The following SURF4 variants were observed in gnomAD, a reference collection of about 807,000 sequenced individuals.
SURF4 encodes the protein surfeit 4, also known as surfeit locus protein 4.
SURF4 carries 3 observed loss-of-function variants against 30.0 expected under a neutral mutation model. That is an observed-to-expected ratio of 0.10 (90% CI 0.05 to 0.26). The LOEUF is 0.26. Among genes scored for constraint, SURF4 ranks in the 10% least tolerant of loss-of-function variants. The pLI is 1.00. For synonymous variants in SURF4, 143 were observed against 139.9 expected (o/e 1.02, Z -0.16); for missense variants, 217 against 350.8 (o/e 0.62, Z 3.05).
chr9:133,372,855 T>G (rs1012049530), intron 1 of SURF4, among the ~76,000 whole-genome samples: 1 of 152,182 alleles, frequency 6.6e-6, no homozygotes, highest in Non-Finnish European at 1.5e-5. Flanking sequence ...CTTCGAACCC[T>G]GTTTACTTGC....
In SURF4 at chr9:133,363,834, T is replaced by G; in HGVS notation, c.544-75A>C. The G allele has an allele frequency of 3.2e-6, 5 of 1,565,412 alleles. No individual in the cohort carries two copies. The highest frequency in any genetic ancestry group is 4.4e-6 in the Non-Finnish European group (5 of 1,140,658). On this transcript the variant is annotated intron_variant, in intron 5 of 5. Coordinates refer to ENST00000371989, the MANE Select transcript of SURF4 (RefSeq NM_033161.4). The surrounding 1 kb of genome is among the most constrained non-coding windows in gnomAD (Gnocchi z 4.3). ...ATGCTTTATAAACAAAAGTTCCAGC[T>G]GCTGCACGTCATGAAGTCTCTATCC...
chr9:133,370,505 C>G (rs1463220849), intron 1 of SURF4, among the ~76,000 whole-genome samples: 1 of 152,152 alleles, frequency 6.6e-6, no homozygotes, highest in East Asian at 1.9e-4. Flanking sequence ...ACTGAAAAAG[C>G]CACGTTTAAA....
chr9:133,370,852 G>A (rs1837464313), intron 1 of SURF4: 3 of 1,288,346 alleles, frequency 2.3e-6, no homozygotes, highest in Non-Finnish European at 3.0e-6. Context: ...GCAGGCTGCA[G>A]GAAGAAGATG....
intron 3 of SURF4, 119 bp from the exon 4 acceptor site, chr9:133,366,147 C>T (rs1837157664): frequency 2.0e-6 from 2 of 1,003,692 alleles, no homozygotes; most frequent in South Asian, 1.4e-5. Context: ...CACACAAAAC[C>T]ATTGTAGGAG....
At chr9:133,369,720 C>T (rs1194140473) in intron 1 of SURF4, among the ~76,000 whole-genome samples, 2 of 152,214 alleles carry the variant, frequency 1.3e-5, no homozygotes, top group Non-Finnish European at 2.9e-5. Flanking sequence ...CACCCATATT[C>T]CATGGAAGAG....
rs2130135635 is a variant in SURF4, at chr9:133,367,112, T to C, written c.235+147A>G. 8 of 1,102,988 alleles carry C rather than the reference T, an allele frequency of 7.3e-6. No individual in the cohort carries two copies. In the South Asian group the frequency reaches 8.0e-5, roughly 11 times the overall value. 68.3% of individuals were successfully genotyped at this position (1,102,988 alleles called of 1,614,324 possible). ...ACCAAGGCTTGCAGAACCGGACTCC[T>C]GGCCTGGCACAGCTGAGCTGGAGAA... On this transcript the variant is annotated intron_variant, in intron 2 of 5. Coordinates refer to ENST00000371989, the MANE Select transcript of SURF4 (RefSeq NM_033161.4).
chr9:133,365,901 C>T (rs1837142405), intron 4 of SURF4, 84 bp downstream of exon 4: 2 of 1,407,674 alleles, frequency 1.4e-6, no homozygotes, highest in South Asian at 2.4e-5. Flanking sequence ...AGATTTTTCC[C>T]ATTTTGGAGC....
intron 1 of SURF4, among the ~76,000 whole-genome samples, chr9:133,372,036 A>G (rs986365601): frequency 6.6e-6 from 1 of 152,252 alleles, no homozygotes; most frequent in Non-Finnish European, 1.5e-5. Flanking sequence ...TACATTTTAC[A>G]GAGTGTCTAA....
Position 133,363,619 on chromosome 9 carries a change from G to A in SURF4, c.684C>T (p.Tyr228=). The A allele has an allele frequency of 6.2e-7, 1 of 1,614,226 alleles. No homozygotes were observed. The highest frequency in any genetic ancestry group is 8.5e-7 in the Non-Finnish European group (1 of 1,180,040). ...YFNAFWTIPV[Y]KPMHDFLKYD... is the part of the protein sequence containing the mutation. ...ATTTCAGGAAGTCATGCATGGGCTT[G>A]TAGACTGGAATGGTCCAGAAGGCGT... The change falls in exon 6 of 6, where the codon TAC becomes TAT. Residue 228 remains tyrosine, a synonymous_variant. Transcript: ENST00000371989. This position sits in a 1 kb window ranked among gnomAD's most constrained non-coding sequence, Gnocchi z 4.3.
rs138538925 is a variant in SURF4, at chr9:133,373,129, G to A, written c.48+2793C>T. Reference sequence around the variant, plus strand: ...GACTTGTGCCAGAAGAGCAACACCAGGGGCTGGGGGCGCTGGGGACCAAGA... The same window carrying A: ...GACTTGTGCCAGAAGAGCAACACCAAGGGCTGGGGGCGCTGGGGACCAAGA... On this transcript the variant is annotated intron_variant, in intron 1 of 5. Transcript: ENST00000371989. 2.7e-3 allele frequency among the ~76,000 whole-genome samples: 411 copies of A among 152,350 alleles called. 1 individual carries two copies. The highest frequency in any genetic ancestry group is 9.6e-3 in the African/African-American group (399 of 41,582).
Position 133,364,994 on chromosome 9 carries a change from A to T in SURF4, c.389T>A (p.Leu130His), listed in dbSNP as rs2130112624. The T allele has an allele frequency of 6.3e-7, 1 of 1,596,248 alleles. No homozygotes were observed. Among genetic ancestry groups the T allele is most frequent in the South Asian group, 1.1e-5 (1 of 88,838 alleles). ...NLALGGGLLL[L>H]LAESRSEGKS... Reference sequence around the variant, plus strand: ...CCCTTCAGAACGGGATTCTGCTAGGAGCAGCAACAGGCCTCCTCCCAGGGC... The same window carrying T: ...CCCTTCAGAACGGGATTCTGCTAGGTGCAGCAACAGGCCTCCTCCCAGGGC... Residue 130 changes from leucine (L) to histidine (H), a missense_variant, in exon 5 of 6, where the codon CTC becomes CAC. Leu to His is a moderately conservative substitution (Grantham distance 99, BLOSUM62 -3). Transcript: ENST00000371989.
Position 133,373,934 on chromosome 9 carries a change from AAG to A in SURF4, c.48+1986_48+1987del, listed in dbSNP as rs1554773632. On this transcript the variant is annotated intron_variant, in intron 1 of 5. Transcript: ENST00000371989. ...CAAAAAAAAAAAAAAAAAAAAAAAAAAGAAGAAGAAAACAGTATGTGAAGACA... is the reference window on the plus strand; with the variant it reads ...CAAAAAAAAAAAAAAAAAAAAAAAAAAAGAAGAAAACAGTATGTGAAGACA... Among the ~76,000 whole-genome samples the A allele has an allele frequency of 6.7e-5, 10 of 149,182 alleles. 1 individual carries two copies. Among genetic ancestry groups the A allele is most frequent in the African/African-American group, 1.5e-4 (6 of 39,738 alleles).
At chr9:133,374,546 G>A (rs1283003836) in intron 1 of SURF4, among the ~76,000 whole-genome samples, 3 of 152,112 alleles carry the variant, frequency 2.0e-5, no homozygotes, top group African/African-American at 7.2e-5. Context: ...GGGCAACAAG[G>A]TCAAAACACC....
intron 1 of SURF4, among the ~76,000 whole-genome samples, chr9:133,370,324 T>C (rs1837431163): frequency 6.6e-6 from 1 of 152,056 alleles, no homozygotes. Flanking sequence ...GCTCTTGGCT[T>C]TGGGGAAAAA....
chr9:133,371,384 C>T (rs1035910132), intron 1 of SURF4, among the ~76,000 whole-genome samples: 1 of 152,218 alleles, frequency 6.6e-6, no homozygotes, highest in East Asian at 1.9e-4. Flanking sequence ...CCCCGAGCCC[C>T]GCTCCCATGC....
chr9:133,364,778 G>A, intron 5 of SURF4, 62 bp downstream of exon 5: 1 of 1,556,032 alleles, frequency 6.4e-7, no homozygotes, highest in Non-Finnish European at 8.8e-7. Flanking sequence ...AGCAGGGAGG[G>A]GGTGGGGGAG....
chr9:133,376,091 T>G, upstream of SURF4: 1 of 1,202,688 alleles, frequency 8.3e-7, no homozygotes, highest in South Asian at 4.1e-5. Context: ...CCGCGTCGGC[T>G]GCGGCTCCAG....
intron 1 of SURF4, chr9:133,375,251 G>A (rs1410854247): frequency 5.1e-6 from 5 of 985,370 alleles, no homozygotes; most frequent in East Asian, 1.1e-4. Flanking sequence ...GGACACTTCT[G>A]GAAGGAGACT....
chr9:133,363,859 C>T lies in SURF4; in HGVS notation c.544-100G>A. ...TGCTGCACGTCATGAAGTCTCTATC[C>T]ATCAGGCTGATGTAGCTACTGCTGA... On this transcript the variant is annotated intron_variant, in intron 5 of 5. Transcript: ENST00000371989. This position sits in a 1 kb window ranked among gnomAD's most constrained non-coding sequence, Gnocchi z 4.3. The T allele has an allele frequency of 1.4e-6, 2 of 1,467,976 alleles. No homozygotes were observed. The highest frequency in any genetic ancestry group is 1.9e-6 in the Non-Finnish European group (2 of 1,059,934). 90.9% of individuals were successfully genotyped at this position (1,467,976 alleles called of 1,614,324 possible).
Sources: gnomAD v4.1 joint callset for allele counts (sites outside exome capture counted in the v4.1 genomes callset) on GRCh38, gnomAD v4.1.1 for gene constraint, Gnocchi (gnomAD v3.1) non-coding constraint, MANE v1.5 for transcripts, NCBI Gene and HGNC (gene_info 2026-07-23, HGNC 2026-07-21) for gene names.